Variants in CNTNAP5 observed in about 807,000 individuals in gnomAD.
CNTNAP5 encodes the protein contactin associated protein family member 5, also known as contactin-associated protein-like 5.
A neutral mutation model predicts 150.2 loss-of-function variants in CNTNAP5; 72 were observed. That is an observed-to-expected ratio of 0.48 (90% CI 0.40 to 0.58). The LOEUF is 0.58. Ranked by LOEUF, CNTNAP5 falls within the 20% of genes least tolerant of loss-of-function variation. The pLI is 0.00. For missense variants in CNTNAP5, 1,636 were observed against 1,626.2 expected (o/e 1.01, Z -0.10); for synonymous variants, 672 against 619.8 (o/e 1.08, Z -1.25).
chr2:124,614,124 G>T (rs779399206), intron 12 of CNTNAP5, among the ~76,000 whole-genome samples: 22 of 152,228 alleles, frequency 1.4e-4, no homozygotes, highest in Non-Finnish European at 2.8e-4. Context: ...ATAAATTTGG[G>T]CATTGTGGGC....
intron 23 of CNTNAP5, among the ~76,000 whole-genome samples, chr2:124,913,220 C>A (rs935547054): frequency 6.6e-6 from 1 of 151,976 alleles, no homozygotes; most frequent in Admixed American, 6.6e-5. Flanking sequence ...CAAGTAAATT[C>A]TTTGCTTATC....
intron 10 of CNTNAP5, among the ~76,000 whole-genome samples, chr2:124,530,774 C>T (rs1317481970): frequency 6.6e-6 from 1 of 152,126 alleles, no homozygotes; most frequent in Non-Finnish European, 1.5e-5. Context: ...CCTTCTAAAC[C>T]TCTAGGACAC....
intron 1 of CNTNAP5, among the ~76,000 whole-genome samples, chr2:124,130,978 G>A (rs966610545): frequency 5.9e-5 from 9 of 152,110 alleles, no homozygotes; most frequent in South Asian, 2.1e-4. Flanking sequence ...GAAGTATAAA[G>A]ACTCTGAGAA....
intron 2 of CNTNAP5, among the ~76,000 whole-genome samples, chr2:124,239,463 A>G (rs1359529935): frequency 2.0e-5 from 3 of 152,202 alleles, no homozygotes; most frequent in South Asian, 2.1e-4. Context: ...AAAGTCCTAT[A>G]TTATAGCATC....
chr2:124,811,668 G>A (rs573171975), intron 19 of CNTNAP5, among the ~76,000 whole-genome samples: 5 of 146,844 alleles, frequency 3.4e-5, no homozygotes, highest in South Asian at 2.2e-4. Flanking sequence ...CAGGTCAGGC[G>A]CGGTGGCTCA....
At chr2:124,452,532 A>G (rs1339911608) in intron 6 of CNTNAP5, among the ~76,000 whole-genome samples, 2 of 152,086 alleles carry the variant, frequency 1.3e-5, no homozygotes, top group Non-Finnish European at 2.9e-5. Flanking sequence ...TCCTCTCCAT[A>G]CTACTAAGGC....
At chr2:124,753,534 A>T (rs1367540212) in intron 14 of CNTNAP5, among the ~76,000 whole-genome samples, 1 of 152,248 alleles carries the variant, frequency 6.6e-6, no homozygotes, top group Non-Finnish European at 1.5e-5. Flanking sequence ...CTTTTGCTAC[A>T]GATTGATTTT....
intron 1 of CNTNAP5, among the ~76,000 whole-genome samples, chr2:124,158,952 TCTTACAGTTCAA>T (rs1573800010): frequency 6.6e-6 from 1 of 152,216 alleles, no homozygotes. Context: ...CCCACAGGAA[TCTTACAGTTCAA>T]CTTCTAGTCT....
chr2:124,104,294 T>C (rs1423523396), intron 1 of CNTNAP5, among the ~76,000 whole-genome samples: 1 of 152,124 alleles, frequency 6.6e-6, no homozygotes, highest in Non-Finnish European at 1.5e-5. Flanking sequence ...CTCTACATTA[T>C]TTTGAGGCAA....
At chr2:124,155,384 T>A (rs994770860) in intron 1 of CNTNAP5, among the ~76,000 whole-genome samples, 1 of 152,090 alleles carries the variant, frequency 6.6e-6, no homozygotes, top group African/African-American at 2.4e-5. Context: ...CTCAACTGAA[T>A]CCGTGGTCTG....
chr2:124,624,561 G>A (rs1331562666), intron 12 of CNTNAP5, among the ~76,000 whole-genome samples: 1 of 152,060 alleles, frequency 6.6e-6, no homozygotes, highest in East Asian at 1.9e-4. Flanking sequence ...TATTCAGTTG[G>A]TAATTCAGAA....
At chr2:124,482,674 T>C (rs191763876) in intron 7 of CNTNAP5, among the ~76,000 whole-genome samples, 1 of 152,070 alleles carries the variant, frequency 6.6e-6, no homozygotes, top group African/African-American at 2.4e-5. Flanking sequence ...GGCGGAATCC[T>C]TGTCTTTGGT....
At chr2:124,369,429 G>C (rs1690461593) in intron 3 of CNTNAP5, among the ~76,000 whole-genome samples, 1 of 151,562 alleles carries the variant, frequency 6.6e-6, no homozygotes, top group African/African-American at 2.4e-5. Flanking sequence ...AAAAACTATA[G>C]TCAAAGTTGG....
chr2:124,840,370 G>A (rs143373216), intron 19 of CNTNAP5, among the ~76,000 whole-genome samples: 372 of 152,130 alleles, frequency 2.4e-3, no homozygotes, highest in African/African-American at 8.4e-3. Context: ...GAATAAGCTG[G>A]CCCTCTCTCT....
chr2:124,741,396 A>T (rs553864301), intron 13 of CNTNAP5, among the ~76,000 whole-genome samples: 216 of 152,282 alleles, frequency 1.4e-3, no homozygotes, highest in African/African-American at 5.1e-3. Context: ...CCCAGTTGTC[A>T]AAACTTTAAT....
chr2:124,208,052 G>C (rs1402047693), intron 1 of CNTNAP5, among the ~76,000 whole-genome samples: 1 of 152,106 alleles, frequency 6.6e-6, no homozygotes. Flanking sequence ...TATTTTGCCT[G>C]GAACAAGCTT....
chr2:124,906,592 A>G (rs1678542631), intron 22 of CNTNAP5, among the ~76,000 whole-genome samples: 1 of 152,152 alleles, frequency 6.6e-6, no homozygotes, highest in Admixed American at 6.6e-5. Flanking sequence ...GGAGATTTTA[A>G]TATCTTGGGA....
intron 3 of CNTNAP5, among the ~76,000 whole-genome samples, chr2:124,377,748 G>T (rs1372901773): frequency 6.6e-6 from 1 of 150,452 alleles, no homozygotes; most frequent in Non-Finnish European, 1.5e-5. Context: ...AATCCCTGGG[G>T]GAAAAAAAAT....
intron 7 of CNTNAP5, among the ~76,000 whole-genome samples, chr2:124,482,726 C>T (rs531068055): frequency 6.6e-6 from 1 of 152,238 alleles, no homozygotes; most frequent in East Asian, 1.9e-4. Flanking sequence ...AGTGTGGAAT[C>T]CCACTGCTCC....
Sources: allele counts gnomAD v4.1 joint callset (sites outside exome capture counted in the v4.1 genomes callset), GRCh38; gene constraint gnomAD v4.1.1; transcripts MANE v1.5; gene names NCBI Gene and HGNC (gene_info 2026-07-23, HGNC 2026-07-21).